Variants in MALRD1 observed in about 807,000 individuals in gnomAD.
MALRD1 encodes the protein MAM and LDL receptor class A domain containing 1, also known as MAM and LDL-receptor class A domain-containing protein 1.
Under a neutral mutation model 242.1 loss-of-function variants are expected in MALRD1, and 247 were observed. That is an observed-to-expected ratio of 1.02 (90% CI 0.92 to 1.13). The LOEUF (loss-of-function observed/expected upper bound fraction) is 1.13, where lower values mean the gene tolerates loss of function less well. MALRD1 is among the 50% of genes most tolerant of loss of function. MALRD1 has a pLI of 0.00. For synonymous variants in MALRD1, 995 were observed against 866.6 expected (o/e 1.15, Z -2.60); for missense variants, 2,989 against 2,533.1 (o/e 1.18, Z -3.86).
intron 14 of MALRD1, among the ~76,000 whole-genome samples, chr10:19,190,887 C>T (rs1185266620): frequency 2.0e-5 from 3 of 152,024 alleles, no homozygotes; most frequent in African/African-American, 7.2e-5. Flanking sequence ...CCTTATGATG[C>T]TGTGTCTGTC....
chr10:19,571,624 A>C (rs939967585), intron 33 of MALRD1, among the ~76,000 whole-genome samples: 1 of 152,202 alleles, frequency 6.6e-6, no homozygotes, highest in African/African-American at 2.4e-5. Flanking sequence ...AAAAAATGCA[A>C]GAATTCTGAT....
At chr10:19,130,194 C>A (rs1461851401) in intron 8 of MALRD1, among the ~76,000 whole-genome samples, 5 of 152,086 alleles carry the variant, frequency 3.3e-5, no homozygotes, top group African/African-American at 9.6e-5. Context: ...CCTATCCTTC[C>A]TGCAGCATTA....
At chr10:19,515,636 T>G (rs1415990962) in intron 31 of MALRD1, among the ~76,000 whole-genome samples, 2 of 152,128 alleles carry the variant, frequency 1.3e-5, no homozygotes, top group African/African-American at 4.8e-5. Context: ...CTTAGCTCAC[T>G]GCAAGCTCTG....
At position 19,530,385 on chromosome 10, in the gene MALRD1, T is replaced by TTCATATAA. The variant is rs1564417186; in HGVS notation, c.5321-809_5321-808insTCATATAA. ...TATATAAATATTTATATAAATATTA[T>TTCATATAA]ATATTTATATAAATATTATATATTT... is the stretch of plus-strand genomic sequence containing the variant. On this transcript the variant is annotated intron_variant, in intron 31 of 39. Transcript: ENST00000454679. 3.5e-5 allele frequency among the ~76,000 whole-genome samples: 3 copies of TTCATATAA among 85,284 alleles called. 1 individual carries two copies. Among genetic ancestry groups the TTCATATAA allele is most frequent in the Non-Finnish European group, 6.2e-5 (3 of 48,588 alleles). The allele number at this position is 85,284 out of a possible 152,430, so 55.9% of individuals were successfully genotyped here. A position where few individuals can be genotyped will look rare whatever the true frequency, so the allele number is the denominator to read the frequency against.
chr10:19,494,469 G>T (rs1393246501), intron 30 of MALRD1, among the ~76,000 whole-genome samples: 1 of 152,060 alleles, frequency 6.6e-6, no homozygotes, highest in East Asian at 1.9e-4. Context: ...TCAGAATATG[G>T]GTAGGAACAA....
At position 19,714,756 on chromosome 10, in the gene MALRD1, T is replaced by C. The variant is rs190348944; in HGVS notation, c.6315-15950T>C. Among the ~76,000 whole-genome samples, 172 of 152,204 alleles carry C rather than the reference T, an allele frequency of 1.1e-3. 1 individual carries two copies. Among genetic ancestry groups the C allele is most frequent in the African/African-American group, 3.9e-3 (163 of 41,530 alleles). ...AGCAAAACAGGGAACGTGAAGATCATGAGGCATGCGGATCGCATCTTTTAT... is the reference window on the plus strand; with the variant it reads ...AGCAAAACAGGGAACGTGAAGATCACGAGGCATGCGGATCGCATCTTTTAT... On this transcript the variant is annotated intron_variant, in intron 38 of 39. Coordinates refer to ENST00000454679, the MANE Select transcript of MALRD1 (RefSeq NM_001142308.3).
chr10:19,563,857 G>A (rs919567407), intron 32 of MALRD1, among the ~76,000 whole-genome samples: 9 of 152,306 alleles, frequency 5.9e-5, no homozygotes, highest in Non-Finnish European at 1.0e-4. Flanking sequence ...GGGGCCTGGT[G>A]GGGTCTTGGG....
At chr10:19,240,851 G>T (rs931414183) in intron 18 of MALRD1, among the ~76,000 whole-genome samples, 4 of 151,980 alleles carry the variant, frequency 2.6e-5, no homozygotes, top group African/African-American at 9.7e-5. Flanking sequence ...TTCTATTGTG[G>T]TGGTGTATCA....
chr10:19,097,416 C>T (rs1836082017), intron 4 of MALRD1, among the ~76,000 whole-genome samples: 1 of 152,152 alleles, frequency 6.6e-6, no homozygotes. Context: ...GTCTGCTGTG[C>T]TGGGTAAAAC....
In MALRD1 at chr10:19,197,146, C is replaced by T. The variant is rs1205736120; in HGVS notation, c.1952-6582C>T. Among the ~76,000 whole-genome samples the T allele has an allele frequency of 3.9e-5, 6 of 152,066 alleles. 1 individual carries two copies. The highest frequency in any genetic ancestry group is 1.4e-4 in the African/African-American group (6 of 41,394). ...AGAAGCACAACTTTTAAACCATCAG[C>T]TCTCATGAGAATTCACTCACTATAA... On this transcript the variant is annotated intron_variant, in intron 14 of 39. Coordinates refer to ENST00000454679, the MANE Select transcript of MALRD1 (RefSeq NM_001142308.3).
intron 36 of MALRD1, among the ~76,000 whole-genome samples, chr10:19,654,899 G>C (rs894686704): frequency 1.3e-5 from 2 of 152,072 alleles, no homozygotes; most frequent in African/African-American, 4.8e-5. Flanking sequence ...TACCCCACCT[G>C]CTGCATAAAA....
At chr10:19,568,303 A>G (rs1408551859) in intron 33 of MALRD1, among the ~76,000 whole-genome samples, 1 of 152,064 alleles carries the variant, frequency 6.6e-6, no homozygotes, top group African/African-American at 2.4e-5. Flanking sequence ...TAGTAGGGTC[A>G]TTGTCTTTCT....
chr10:19,322,642 T>C (rs995383653), intron 21 of MALRD1, among the ~76,000 whole-genome samples: 46 of 152,186 alleles, frequency 3.0e-4, no homozygotes, highest in African/African-American at 1.1e-3. Context: ...CCCTGCTGTG[T>C]CTTTTGCAGA....
At position 19,075,142 on chromosome 10, in the gene MALRD1, T is replaced by G. The variant is rs867290682; in HGVS notation, c.340+8283T>G. 5.9e-5 allele frequency among the ~76,000 whole-genome samples: 9 copies of G among 152,158 alleles called. No individual in the cohort carries two copies. The South Asian group carries it at 1.9e-3, about 32-fold the overall frequency. ...TAAAGAGACTCAAACTACTTTAGGC[T>G]TTACAGATTTTGATCAATACCGTGG... is the stretch of plus-strand genomic sequence containing the variant. On this transcript the variant is annotated intron_variant, in intron 2 of 39. Coordinates refer to ENST00000454679, the MANE Select transcript of MALRD1 (RefSeq NM_001142308.3).
intron 18 of MALRD1, among the ~76,000 whole-genome samples, chr10:19,223,486 A>G (rs909038704): frequency 5.9e-5 from 9 of 152,090 alleles, no homozygotes; most frequent in African/African-American, 1.9e-4. Context: ...TGTGTAGGAA[A>G]CATATTTCTA....
intron 2 of MALRD1, among the ~76,000 whole-genome samples, chr10:19,068,446 C>G (rs901619464): frequency 3.3e-5 from 5 of 152,006 alleles, no homozygotes; most frequent in Admixed American, 1.3e-4. Flanking sequence ...TGGAGTCAGA[C>G]TAGATGGGTT....
intron 29 of MALRD1, among the ~76,000 whole-genome samples, chr10:19,456,782 T>TATTAATTA (rs1554775850): frequency 1.3e-5 from 2 of 148,706 alleles, no homozygotes; most frequent in African/African-American, 5.1e-5. Flanking sequence ...TTTATTTATT[T>TATTAATTA]ATTTATTTTG....
intron 10 of MALRD1, among the ~76,000 whole-genome samples, chr10:19,137,660 G>C (rs1281410758): frequency 6.6e-6 from 1 of 151,020 alleles, no homozygotes; most frequent in African/African-American, 2.4e-5. Flanking sequence ...ACTGGCGTTT[G>C]GGAGGGCCAA....
chr10:19,732,541 G>C (rs542341241), intron 39 of MALRD1, among the ~76,000 whole-genome samples: 45 of 152,160 alleles, frequency 3.0e-4, no homozygotes, highest in Non-Finnish European at 5.9e-4. Flanking sequence ...GGCATTACAG[G>C]CGTGAGCCAC....
Sources: gnomAD v4.1 joint callset for allele counts (sites outside exome capture counted in the v4.1 genomes callset) on GRCh38, gnomAD v4.1.1 for gene constraint, MANE v1.5 for transcripts, NCBI Gene and HGNC (gene_info 2026-07-23, HGNC 2026-07-21) for gene names.